Variants in CCDC66 observed in about 807,000 individuals in gnomAD.
CCDC66 encodes coiled-coil domain containing 66.
CCDC66 carries 133 observed loss-of-function variants against 128.3 expected under a neutral mutation model. The ratio of observed to expected loss-of-function variants is 1.04; its 90% confidence interval spans 0.90 to 1.20. The LOEUF (loss-of-function observed/expected upper bound fraction) is 1.20. CCDC66 is among the 50% of genes most tolerant of loss of function. CCDC66 has a pLI of 0.00. For synonymous variants in CCDC66, 387 were observed against 357.0 expected, an observed-to-expected ratio of 1.08 and a Z score of -0.95; for missense variants, 1,126 against 1,075.5, an observed-to-expected ratio of 1.05 and a Z score of -0.66.
intron 6 of CCDC66, among the ~76,000 whole-genome samples, chr3:56,569,040 T>G (rs1480710031): frequency 6.6e-6 from 1 of 152,134 alleles, no homozygotes; most frequent in Non-Finnish European, 1.5e-5. Flanking sequence ...ATAGATGATT[T>G]AGAAAAAGAG....
At chr3:56,595,955 C>T (rs1329417938) in intron 10 of CCDC66, among the ~76,000 whole-genome samples, 2 of 152,192 alleles carry the variant, frequency 1.3e-5, no homozygotes, top group African/African-American at 2.4e-5. Context: ...TGCTCTGCTG[C>T]GCAGTCTGGT....
chr3:56,596,471 G>A (rs1553695180), intron 10 of CCDC66, among the ~76,000 whole-genome samples: 1 of 142,340 alleles, frequency 7.0e-6, no homozygotes, highest in Non-Finnish European at 1.6e-5. Context: ...TTTGTTGGAT[G>A]AATAGTTTGC....
chr3:56,591,874 G>A (rs1156701639), intron 7 of CCDC66, among the ~76,000 whole-genome samples: 4 of 152,146 alleles, frequency 2.6e-5, no homozygotes, highest in East Asian at 3.8e-4. Context: ...GAGGTATATC[G>A]TCATTGTAGG....
intron 10 of CCDC66, among the ~76,000 whole-genome samples, chr3:56,605,145 C>T (rs1246668380): frequency 1.3e-5 from 2 of 151,982 alleles, no homozygotes; most frequent in African/African-American, 2.4e-5. Context: ...CTTCTCTAAA[C>T]GGTTATTCTA....
At chr3:56,565,992 C>G (rs1559609243) in intron 4 of CCDC66, among the ~76,000 whole-genome samples, 2 of 152,106 alleles carry the variant, frequency 1.3e-5, no homozygotes, top group African/African-American at 4.8e-5. Flanking sequence ...AGCATGCTGG[C>G]AAGAGGAAAT....
chr3:56,575,727 T>G (rs1201920487), intron 7 of CCDC66, among the ~76,000 whole-genome samples: 1 of 151,880 alleles, frequency 6.6e-6, no homozygotes, highest in Non-Finnish European at 1.5e-5. Context: ...TGTTTAGGTC[T>G]TTGATCTATT....
intron 17 of CCDC66, chr3:56,620,668 A>G (rs567547121): frequency 2.0e-5 from 3 of 152,304 alleles, no homozygotes; most frequent in African/African-American, 7.2e-5. Flanking sequence ...AGGGTTACTA[A>G]GAGTTTTACA....
At position 56,593,589 on chromosome 3, in the gene CCDC66, T is replaced by A. The variant is rs766285921; in HGVS notation, c.1167T>A (p.Pro389=). The part of the protein sequence containing the change: ...QLFSQSTHKQ[P]EYFCVSPDTQ... ...TCTCTCAGTCAACACACAAACAACC[T>A]GAGTACTTCTGTGTCTCTCCTGACA... Residue 389 remains proline (P), a synonymous_variant, in exon 9 of 18, where the codon CCT becomes CCA. Transcript: ENST00000394672. 1.3e-5 allele frequency: 21 copies of A among 1,614,088 alleles called. No homozygotes were observed. The South Asian group carries it at 2.2e-4, about 17-fold the overall frequency.
chr3:56,590,217 A>G (rs1424683709), intron 7 of CCDC66, among the ~76,000 whole-genome samples: 1 of 152,204 alleles, frequency 6.6e-6, no homozygotes, highest in Admixed American at 6.5e-5. Context: ...TTCTTTCCCA[A>G]AGCTGCATTT....
In CCDC66 at chr3:56,617,882, T is replaced by C. The variant is rs2075718558; in HGVS notation, c.2337+277T>C. 40 of 569,000 alleles carry C rather than the reference T, an allele frequency of 7.0e-5. 3 individuals are homozygous for C. In the South Asian group the frequency reaches 9.4e-4, roughly 13 times the overall value. 35.2% of individuals were successfully genotyped at this position (569,000 alleles called of 1,614,324 possible). A position where few individuals can be genotyped will look rare whatever the true frequency, so the allele number is the denominator to read the frequency against. On this transcript the variant is annotated intron_variant, in intron 14 of 17. Coordinates refer to ENST00000394672, the MANE Select transcript of CCDC66 (RefSeq NM_001141947.3). Reference sequence around the variant, plus strand: ...CCACAAAGCTGAAAAGGTTTCCTTATGCTTATCGAGTCCTTTACACTTACA... The same window carrying C: ...CCACAAAGCTGAAAAGGTTTCCTTACGCTTATCGAGTCCTTTACACTTACA...
chr3:56,592,340 C>T (rs2071056823), intron 7 of CCDC66, among the ~76,000 whole-genome samples: 1 of 152,142 alleles, frequency 6.6e-6, no homozygotes, highest in South Asian at 2.1e-4. Flanking sequence ...CTCTTTCAGC[C>T]TCTAAAAGAG....
intron 6 of CCDC66, among the ~76,000 whole-genome samples, chr3:56,567,883 G>T (rs946913727): frequency 2.6e-5 from 4 of 151,974 alleles, no homozygotes; most frequent in African/African-American, 7.2e-5. Flanking sequence ...GTAGAGACGG[G>T]GTTTCACTGT....
chr3:56,609,349 C>T (rs904628036), intron 10 of CCDC66, among the ~76,000 whole-genome samples: 3 of 152,006 alleles, frequency 2.0e-5, no homozygotes, highest in African/African-American at 7.2e-5. Flanking sequence ...ATGTAATGTC[C>T]CTCTTTGTCT....
At chr3:56,576,232 C>T (rs937890217) in intron 7 of CCDC66, among the ~76,000 whole-genome samples, 1 of 150,622 alleles carries the variant, frequency 6.6e-6, no homozygotes, top group Non-Finnish European at 1.5e-5. Flanking sequence ...TTTCAGTGTA[C>T]AAGTCTTACT....
chr3:56,614,546 G>A (rs1038777479), intron 11 of CCDC66, among the ~76,000 whole-genome samples: 5 of 152,152 alleles, frequency 3.3e-5, no homozygotes, highest in African/African-American at 1.2e-4. Flanking sequence ...ACCCTAAGTG[G>A]TGCAGACAAG....
intron 7 of CCDC66, among the ~76,000 whole-genome samples, chr3:56,585,051 A>G (rs546963467): frequency 1.7e-4 from 25 of 148,328 alleles, no homozygotes; most frequent in African/African-American, 5.9e-4. Context: ...AGTACAGTCC[A>G]GCTTCGGCTC....
Position 56,614,698 on chromosome 3 carries a change from T to C in CCDC66, c.1567-430T>C, listed in dbSNP as rs17216698. Among the ~76,000 whole-genome samples, 550 of 152,304 alleles carry C rather than the reference T, an allele frequency of 3.6e-3. 10 individuals are homozygous for C. The East Asian group carries it at 0.054, about 15-fold the overall frequency. ...CCACTTGGCAACCTTCACTCCAAAA[T>C]TGGCTGGTAAAGGGACACATGGTCT... is the stretch of plus-strand genomic sequence containing the variant. On this transcript the variant is annotated intron_variant, in intron 11 of 17. Transcript: ENST00000394672.
chr3:56,567,138 T>TA (rs1559614660), intron 6 of CCDC66, 85 bp downstream of exon 6: 2 of 1,007,756 alleles, frequency 2.0e-6, no homozygotes, highest in Non-Finnish European at 3.1e-6. Context: ...ACACCTGTAA[T>TA]ACCAGCACTT....
chr3:56,579,746 T>C (rs973434803), intron 7 of CCDC66, among the ~76,000 whole-genome samples: 1 of 151,918 alleles, frequency 6.6e-6, no homozygotes, highest in Non-Finnish European at 1.5e-5. Context: ...TCCTGAGTTC[T>C]AGTTTGATTG....
Sources: gnomAD v4.1 joint callset for allele counts (sites outside exome capture counted in the v4.1 genomes callset) on GRCh38, gnomAD v4.1.1 for gene constraint, MANE v1.5 for transcripts, NCBI Gene and HGNC (gene_info 2026-07-23, HGNC 2026-07-21) for gene names.